Variants in KCTD8 observed in about 807,000 individuals in gnomAD.
The protein encoded by KCTD8 is potassium channel tetramerization domain containing 8.
Under a neutral mutation model 31.5 loss-of-function variants are expected in KCTD8, and 27 were observed. The observed-to-expected ratio is 0.86, with a 90% confidence interval of 0.63 to 1.18. KCTD8 has a LOEUF of 1.18. Ranked by LOEUF, KCTD8 falls within the 50% of genes most tolerant of loss-of-function variation. The pLI, the probability that KCTD8 is intolerant of heterozygous loss-of-function variation, is 0.00. For synonymous variants in KCTD8, 290 were observed against 280.0 expected (o/e 1.04, Z -0.36); for missense variants, 658 against 647.7 (o/e 1.02, Z -0.17).
At position 44,353,776 on chromosome 4, in the gene KCTD8, C is replaced by T. The variant is rs938030691; in HGVS notation, c.961+93787G>A. Among the ~76,000 whole-genome samples the T allele has an allele frequency of 4.6e-5, 7 of 152,038 alleles. No homozygotes were observed. The East Asian group carries it at 1.3e-3, about 29-fold the overall frequency. The stretch of plus-strand genomic sequence containing the variant: ...GCATCTAAAATGGAAGCTTAGGTTA[C>T]TGATTTTGGACCTTTTCACCTTTCC... On this transcript the variant is annotated intron_variant, in intron 1 of 1. Transcript: ENST00000360029.
chr4:44,355,663 A>G (rs1470269985), intron 1 of KCTD8, among the ~76,000 whole-genome samples: 1 of 152,174 alleles, frequency 6.6e-6, no homozygotes, highest in African/African-American at 2.4e-5. Context: ...GCTAGGGTTG[A>G]CTTCTGTGTA....
chr4:44,189,643 A>G (rs999123528), intron 1 of KCTD8, among the ~76,000 whole-genome samples: 1 of 152,186 alleles, frequency 6.6e-6, no homozygotes, highest in Non-Finnish European at 1.5e-5. Flanking sequence ...CCATTCCAAC[A>G]TACATGCACA....
chr4:44,232,774 A>T (rs1180186721), intron 1 of KCTD8, among the ~76,000 whole-genome samples: 1 of 152,126 alleles, frequency 6.6e-6, no homozygotes, highest in Non-Finnish European at 1.5e-5. Context: ...TTTTATTTCT[A>T]AGTTGAGATA....
chr4:44,293,599 G>A (rs992305953), intron 1 of KCTD8: 2 of 352,314 alleles, frequency 5.7e-6, no homozygotes, highest in African/African-American at 4.3e-5. Flanking sequence ...TATTTTAGAT[G>A]CTAGATTTCT....
chr4:44,206,119 T>G (rs1230365466), intron 1 of KCTD8, among the ~76,000 whole-genome samples: 1 of 149,984 alleles, frequency 6.7e-6, no homozygotes, highest in Non-Finnish European at 1.5e-5. Context: ...TAAATATGTA[T>G]GCATTCTTGG....
intron 1 of KCTD8, among the ~76,000 whole-genome samples, chr4:44,238,772 A>G (rs1021166420): frequency 4.6e-5 from 7 of 152,158 alleles, no homozygotes; most frequent in Non-Finnish European, 1.0e-4. Context: ...CTGTGGTTCA[A>G]TATACTTATT....
At chr4:44,191,029 C>T (rs563307709) in intron 1 of KCTD8, among the ~76,000 whole-genome samples, 6 of 152,218 alleles carry the variant, frequency 3.9e-5, no homozygotes, top group Non-Finnish European at 8.8e-5. Flanking sequence ...GTCAGGGACC[C>T]TGAATGGAGG....
chr4:44,241,687 T>G (rs1715460822), intron 1 of KCTD8, among the ~76,000 whole-genome samples: 1 of 152,200 alleles, frequency 6.6e-6, no homozygotes, highest in Non-Finnish European at 1.5e-5. Context: ...AATTCTCAGT[T>G]CAATGAAGTA....
intron 1 of KCTD8, among the ~76,000 whole-genome samples, chr4:44,444,849 A>G (rs1005266601): frequency 2.0e-5 from 3 of 152,160 alleles, no homozygotes; most frequent in Non-Finnish European, 4.4e-5. Context: ...AACAGTTTCA[A>G]CTACTAAGTT....
In KCTD8 at chr4:44,401,378, C is replaced by T. The variant is rs188799516; in HGVS notation, c.961+46185G>A. On this transcript the variant is annotated intron_variant, in intron 1 of 1. Coordinates refer to ENST00000360029, the MANE Select transcript of KCTD8 (RefSeq NM_198353.3). Reference sequence around the variant, plus strand: ...TATTTCCCTGATGCGCATCTTCTTACAGCTGTCACTGACTCACTGTCAAAG... The same window carrying T: ...TATTTCCCTGATGCGCATCTTCTTATAGCTGTCACTGACTCACTGTCAAAG... 1.4e-3 allele frequency among the ~76,000 whole-genome samples: 220 copies of T among 152,176 alleles called. 1 individual carries two copies. Among genetic ancestry groups the T allele is most frequent in the Middle Eastern group, 0.01 (3 of 294 alleles).
intron 1 of KCTD8, among the ~76,000 whole-genome samples, chr4:44,201,906 A>G (rs1714162529): frequency 6.6e-6 from 1 of 152,168 alleles, no homozygotes; most frequent in African/African-American, 2.4e-5. Flanking sequence ...ACAGAAGTCT[A>G]AAGTCCAGAA....
chr4:44,404,924 C>T (rs1720748486), intron 1 of KCTD8, among the ~76,000 whole-genome samples: 1 of 152,150 alleles, frequency 6.6e-6, no homozygotes, highest in Non-Finnish European at 1.5e-5. Flanking sequence ...AATCACAGTT[C>T]ACCTTCATTA....
intron 1 of KCTD8, among the ~76,000 whole-genome samples, chr4:44,441,660 G>C (rs549023032): frequency 2.4e-4 from 37 of 152,234 alleles, no homozygotes; most frequent in African/African-American, 6.7e-4. Flanking sequence ...CCCTATACAA[G>C]CTCTATGAAC....
intron 1 of KCTD8, among the ~76,000 whole-genome samples, chr4:44,184,010 T>C (rs1373571674): frequency 1.3e-5 from 2 of 152,138 alleles, no homozygotes; most frequent in African/African-American, 4.8e-5. Flanking sequence ...TTCACAAACA[T>C]TTACTGAGCA....
At chr4:44,259,661 TCAA>T (rs1431922577) in intron 1 of KCTD8, among the ~76,000 whole-genome samples, 1 of 151,996 alleles carries the variant, frequency 6.6e-6, no homozygotes, top group African/African-American at 2.4e-5. Context: ...AGTGAAATAT[TCAA>T]CAACATTTCT....
At chr4:44,207,611 CA>C (rs1714352880) in intron 1 of KCTD8, among the ~76,000 whole-genome samples, 1 of 152,152 alleles carries the variant, frequency 6.6e-6, no homozygotes, top group Admixed American at 6.5e-5. Flanking sequence ...CTTTGGAGTA[CA>C]AAATAGGTTT....
At chr4:44,370,996 CA>C (rs1719769843) in intron 1 of KCTD8, among the ~76,000 whole-genome samples, 1 of 152,024 alleles carries the variant, frequency 6.6e-6, no homozygotes, top group South Asian at 2.1e-4. Context: ...TTGCTGTCTG[CA>C]AGCTGAAAGG....
At chr4:44,272,219 A>C (rs1716634316) in intron 1 of KCTD8, among the ~76,000 whole-genome samples, 1 of 151,340 alleles carries the variant, frequency 6.6e-6, no homozygotes, top group South Asian at 2.1e-4. Flanking sequence ...ATTCAATCAA[A>C]ACATACACAG....
intron 1 of KCTD8, among the ~76,000 whole-genome samples, chr4:44,443,486 C>T (rs945389884): frequency 3.3e-5 from 5 of 152,076 alleles, no homozygotes; most frequent in Admixed American, 3.3e-4. Context: ...TGAAATAAAT[C>T]AGAATGAATT....
Sources: allele counts gnomAD v4.1 joint callset (sites outside exome capture counted in the v4.1 genomes callset), GRCh38; gene constraint gnomAD v4.1.1; transcripts MANE v1.5; gene names NCBI Gene and HGNC (gene_info 2026-07-23, HGNC 2026-07-21).